MED12L: variants seen among roughly 807,000 people sequenced by gnomAD.
The protein encoded by MED12L is mediator complex subunit 12L.
A neutral mutation model predicts 281.3 loss-of-function variants in MED12L; 60 were observed. The observed-to-expected ratio is 0.21, with a 90% CI of 0.17 to 0.26. The LOEUF is 0.26. Among genes scored for constraint, MED12L ranks in the 10% least tolerant of loss-of-function variants. The pLI is 1.00. For missense variants in MED12L, 2,146 were observed against 2,680.9 expected (o/e 0.80, Z 4.41); for synonymous variants, 974 against 987.2 (o/e 0.99, Z 0.25).
intron 38 of MED12L, among the ~76,000 whole-genome samples, chr3:151,391,574 C>T (rs893967229): frequency 5.9e-5 from 9 of 151,870 alleles, no homozygotes; most frequent in East Asian, 5.8e-4. Flanking sequence ...AAACAATAGG[C>T]GATCAACTAC....
intron 16 of MED12L, among the ~76,000 whole-genome samples, chr3:151,224,267 G>C (rs1039597644): frequency 1.3e-5 from 2 of 151,766 alleles, no homozygotes; most frequent in African/African-American, 4.8e-5. Context: ...TTTCAGTCCA[G>C]ACATCAAAAG....
intron 39 of MED12L, among the ~76,000 whole-genome samples, chr3:151,402,037 T>C (rs1715745743): frequency 6.6e-6 from 1 of 152,210 alleles, no homozygotes. Context: ...AATACAAGCA[T>C]GGCAGCTGGA....
chr3:151,412,339 C>T (rs1717026337), intron 41 of MED12L, among the ~76,000 whole-genome samples: 1 of 152,166 alleles, frequency 6.6e-6, no homozygotes, highest in Non-Finnish European at 1.5e-5. Context: ...TTCACTGAGA[C>T]CCCAAAATTA....
intron 16 of MED12L, among the ~76,000 whole-genome samples, chr3:151,246,834 G>A (rs565165581): frequency 5.3e-5 from 8 of 152,182 alleles, no homozygotes; most frequent in Admixed American, 2.6e-4. Flanking sequence ...TGAACAGGCA[G>A]CCTACAAAAT....
intron 16 of MED12L, 128 bp downstream of exon 16, chr3:151,193,794 C>G: frequency 1.3e-6 from 1 of 767,778 alleles, no homozygotes; most frequent in Non-Finnish European, 2.1e-6. Flanking sequence ...TGCATTTGCT[C>G]CTGCTTCTGT....
At chr3:151,333,392 A>G (rs1044147044) in intron 16 of MED12L, among the ~76,000 whole-genome samples, 13 of 152,072 alleles carry the variant, frequency 8.5e-5, no homozygotes, top group African/African-American at 3.1e-4. Context: ...TCTCTCCACA[A>G]CCTCACCAGT....
chr3:151,141,178 G>GTTTTTTTTTTTTTTTTTTTTTTTTTTTTT (rs370095367), intron 5 of MED12L, among the ~76,000 whole-genome samples: 1 of 102,190 alleles, frequency 9.8e-6, no homozygotes, highest in African/African-American at 4.3e-5. Context: ...TTTTTTTTTT[G>GTTTTTTTTTTTTTTTTTTTTTTTTTTTTT]TTTTTTTTGT....
At chr3:151,243,142 G>A (rs906906465) in intron 16 of MED12L, among the ~76,000 whole-genome samples, 12 of 152,076 alleles carry the variant, frequency 7.9e-5, no homozygotes, top group African/African-American at 2.7e-4. Context: ...ATGTCTGCTT[G>A]GTGTACCTGA....
intron 2 of MED12L, among the ~76,000 whole-genome samples, chr3:151,105,561 C>A (rs1326895039): frequency 2.0e-5 from 3 of 152,044 alleles, no homozygotes; most frequent in Non-Finnish European, 4.4e-5. Context: ...CTCCTAGTTT[C>A]CTTCTCTCCC....
chr3:151,164,106 G>A (rs1415912703), intron 9 of MED12L, 64 bp downstream of exon 9: 7 of 1,561,920 alleles, frequency 4.5e-6, no homozygotes, highest in Non-Finnish European at 6.1e-6. Context: ...AGGGCACAGT[G>A]GGTCAAGCAC....
chr3:151,272,147 G>A (rs1337696920), intron 16 of MED12L, among the ~76,000 whole-genome samples: 3 of 152,190 alleles, frequency 2.0e-5, no homozygotes, highest in Admixed American at 6.5e-5. Context: ...TGTACCACAT[G>A]AGCTTGCAGG....
At chr3:151,087,240 C>T (rs1019567886) in intron 2 of MED12L, among the ~76,000 whole-genome samples, 2 of 152,234 alleles carry the variant, frequency 1.3e-5, no homozygotes, top group African/African-American at 2.4e-5. Context: ...GCTCGCTTTC[C>T]ATGTGCCGGT....
At chr3:151,421,636 T>C (rs1718258004) in intron 43 of MED12L, among the ~76,000 whole-genome samples, 1 of 152,150 alleles carries the variant, frequency 6.6e-6, no homozygotes, top group African/African-American at 2.4e-5. Context: ...CTCGAACTCC[T>C]GACCTCAAGT....
At chr3:151,421,995 C>T (rs990108188) in intron 43 of MED12L, among the ~76,000 whole-genome samples, 1 of 152,176 alleles carries the variant, frequency 6.6e-6, no homozygotes, top group Non-Finnish European at 1.5e-5. Flanking sequence ...CATCCCCTGA[C>T]TTGTCCTGCT....
intron 32 of MED12L, among the ~76,000 whole-genome samples, chr3:151,381,890 T>A (rs1712419865): frequency 6.6e-6 from 1 of 152,230 alleles, no homozygotes; most frequent in Non-Finnish European, 1.5e-5. Context: ...GGAGTACTTC[T>A]GCATGTGACT....
At chr3:151,275,383 G>C (rs1178366287) in intron 16 of MED12L, among the ~76,000 whole-genome samples, 1 of 152,054 alleles carries the variant, frequency 6.6e-6, no homozygotes, top group Non-Finnish European at 1.5e-5. Context: ...TGAATGATGA[G>C]GGGTCAGAAC....
intron 16 of MED12L, among the ~76,000 whole-genome samples, chr3:151,290,267 C>T (rs1359877052): frequency 1.3e-5 from 2 of 152,124 alleles, no homozygotes; most frequent in Non-Finnish European, 2.9e-5. Context: ...AAAGGAATTT[C>T]CAATTTAATT....
chr3:151,421,188 A>G (rs1372057398), intron 43 of MED12L, among the ~76,000 whole-genome samples: 1 of 152,106 alleles, frequency 6.6e-6, no homozygotes, highest in Non-Finnish European at 1.5e-5. Flanking sequence ...TGGCTGGGGA[A>G]AGAGGCTGAG....
chr3:151,387,867 A>C lies in MED12L; in HGVS notation c.5146A>C (p.Lys1716Gln), dbSNP rs1029971019. The C allele has an allele frequency of 6.2e-7, 1 of 1,614,108 alleles. No individual in the cohort carries two copies. The highest frequency in any genetic ancestry group is 8.5e-7 in the Non-Finnish European group (1 of 1,180,006). Residue 1716 changes from lysine to glutamine, a missense_variant, in exon 37 of 45, where the codon AAG (lysine) becomes CAG (glutamine). By Grantham distance (53) the Lys-to-Gln change is moderately conservative (BLOSUM62 1). Coordinates refer to ENST00000687756, the MANE Select transcript of MED12L (RefSeq NM_001393769.1). ...VSPWDLFEGQ[K>Q]NPAPLSWAWF... ...CCCGTGGGACTTGTTTGAGGGTCAG[A>C]AGAACCCAGCTCCTTTGTCCTGGGC...
Sources: allele counts gnomAD v4.1 joint callset (sites outside exome capture counted in the v4.1 genomes callset), GRCh38; gene constraint gnomAD v4.1.1; transcripts MANE v1.5; gene names NCBI Gene and HGNC (gene_info 2026-07-23, HGNC 2026-07-21).